The following GALNT18 variants were observed in gnomAD, a reference collection of about 807,000 sequenced individuals.
The protein encoded by GALNT18 is polypeptide N-acetylgalactosaminyltransferase 18.
GALNT18 carries 44 observed loss-of-function variants against 69.5 expected under a neutral mutation model. The ratio of observed to expected loss-of-function variants is 0.63; its 90% CI spans 0.50 to 0.81. The LOEUF (loss-of-function observed/expected upper bound fraction) is 0.81, where lower values mean the gene tolerates loss of function less well. Among genes scored for constraint, GALNT18 ranks in the 40% least tolerant of loss-of-function variants. The pLI, the probability that GALNT18 is intolerant of heterozygous loss-of-function variation, is 0.00. For missense variants in GALNT18, 715 were observed against 810.0 expected, an observed-to-expected ratio of 0.88 and a Z score of 1.42; for synonymous variants, 364 against 318.2, an observed-to-expected ratio of 1.14 and a Z score of -1.53.
chr11:11,295,789 A>C (rs563535263), intron 9 of GALNT18, among the ~76,000 whole-genome samples: 1 of 152,298 alleles, frequency 6.6e-6, no homozygotes, highest in African/African-American at 2.4e-5. Flanking sequence ...GTTTTTCTAT[A>C]ACAAAGGTGA....
Position 11,444,801 on chromosome 11 carries a change from G to A in GALNT18, c.428+3943C>T, listed in dbSNP as rs1320514924. On this transcript the variant is annotated intron_variant, in intron 2 of 10. Transcript: ENST00000227756. The surrounding 1 kb of genome is among the most constrained non-coding windows in gnomAD (Gnocchi z 4.4). ...AAGAAAAGAGCCAAGAATACCAAGAGCAAAGTGTGGAATACAAGCAGCAGG... is the reference window on the plus strand; with the variant it reads ...AAGAAAAGAGCCAAGAATACCAAGAACAAAGTGTGGAATACAAGCAGCAGG... Among the ~76,000 whole-genome samples, 1 of 152,194 alleles carries A rather than the reference G, an allele frequency of 6.6e-6. No individual in the cohort carries two copies. Among genetic ancestry groups the A allele is most frequent in the Non-Finnish European group, 1.5e-5 (1 of 68,040 alleles).
At chr11:11,558,500 T>C (rs1170872656) in intron 1 of GALNT18, among the ~76,000 whole-genome samples, 1 of 152,236 alleles carries the variant, frequency 6.6e-6, no homozygotes, top group African/African-American at 2.4e-5. Context: ...TCCCTGCAGG[T>C]GGAGCCTGGG....
In GALNT18 at chr11:11,472,920, A is replaced by C. The variant is rs190701745; in HGVS notation, c.236-23984T>G. Among the ~76,000 whole-genome samples the C allele has an allele frequency of 4.3e-4, 65 of 152,200 alleles. No individual in the cohort carries two copies. In the East Asian group the frequency reaches 0.011, roughly 25 times the overall value. On this transcript the variant is annotated intron_variant, in intron 1 of 10. Transcript: ENST00000227756. ...GGTGAGAAGATCACCTGAGCTGAGAAGGTTGAGGTTGCAGTGAGCCATGAT... is the reference window on the plus strand; with the variant it reads ...GGTGAGAAGATCACCTGAGCTGAGACGGTTGAGGTTGCAGTGAGCCATGAT...
In GALNT18 at chr11:11,586,280, T is replaced by C. The variant is rs1014851850; in HGVS notation, c.235+35079A>G. Among the ~76,000 whole-genome samples the C allele has an allele frequency of 3.9e-5, 6 of 152,240 alleles. No individual in the cohort carries two copies. Among genetic ancestry groups the C allele is most frequent in the African/African-American group, 1.4e-4 (6 of 41,464 alleles). ...TGTTAATTTATGTAATTGGGTTTAT[T>C]ATTGCCATTGTTAAATAAAATAATT... On this transcript the variant is annotated intron_variant, in intron 1 of 10. Coordinates refer to ENST00000227756, the MANE Select transcript of GALNT18 (RefSeq NM_198516.3). This position sits in a 1 kb window ranked among gnomAD's most constrained non-coding sequence, Gnocchi z 4.1.
In GALNT18 at chr11:11,293,017, TG is replaced by T. The variant is rs2133005150; in HGVS notation, c.1677+11del. 7.3e-7 allele frequency: 1 copy of T among 1,361,564 alleles called. No individual in the cohort carries two copies. Among genetic ancestry groups the T allele is most frequent in the South Asian group, 2.2e-5 (1 of 45,836 alleles). The allele number at this position is 1,361,564 out of a possible 1,614,324, so 84.3% of individuals were successfully genotyped here. Reference sequence around the variant, plus strand: ...GATGGCTGCCACTGTGCCCGGGCTCTGGGGCTGTTACCTGAGAGAACTGCCA... The same window carrying T: ...GATGGCTGCCACTGTGCCCGGGCTCTGGGCTGTTACCTGAGAGAACTGCCA... On this transcript the variant is annotated intron_variant, in intron 10 of 10. Coordinates refer to ENST00000227756, the MANE Select transcript of GALNT18 (RefSeq NM_198516.3).
At position 11,338,126 on chromosome 11, in the gene GALNT18, C is replaced by T. The variant is rs946655375; in HGVS notation, c.1278+2693G>A. Among the ~76,000 whole-genome samples, 1 of 151,964 alleles carries T rather than the reference C, an allele frequency of 6.6e-6. No individual in the cohort carries two copies. The highest frequency in any genetic ancestry group is 6.6e-5 in the Admixed American group (1 of 15,258). ...GGGATTACAGGCATGTGCCACCAAG[C>T]CTGGCTAATTTTTGTATTTTTAGTA... On this transcript the variant is annotated intron_variant, in intron 7 of 10. Coordinates refer to ENST00000227756, the MANE Select transcript of GALNT18 (RefSeq NM_198516.3). This position sits in a 1 kb window ranked among gnomAD's most constrained non-coding sequence, Gnocchi z 5.3.
Position 11,432,600 on chromosome 11 carries a change from C to A in GALNT18, c.595+21G>T. On this transcript the variant is annotated intron_variant, in intron 3 of 10. Transcript: ENST00000227756. The surrounding 1 kb of genome is among the most constrained non-coding windows in gnomAD (Gnocchi z 5.8). ...TCAGCCAGGAAGTAGGGCCTGGGCCCTGGGAAGCTCCGACACTCACCGTTA... is the reference window on the plus strand; with the variant it reads ...TCAGCCAGGAAGTAGGGCCTGGGCCATGGGAAGCTCCGACACTCACCGTTA... 1 of 1,591,194 alleles carries A rather than the reference C, an allele frequency of 6.3e-7. No homozygotes were observed. Among genetic ancestry groups the A allele is most frequent in the Non-Finnish European group, 8.6e-7 (1 of 1,167,128 alleles).
rs570824758 is a variant in GALNT18 at position 11,340,089 on chromosome 11, T to C, written c.1278+730A>G. On this transcript the variant is annotated intron_variant, in intron 7 of 10. Transcript: ENST00000227756. This position sits in a 1 kb window ranked among gnomAD's most constrained non-coding sequence, Gnocchi z 4.2. ...GGCTGGTAAGTGGGTTGGAATCATG[T>C]GGCTGGCATCTCTCAGTAGTAGAGC... Among the ~76,000 whole-genome samples the C allele has an allele frequency of 2.7e-5, 1 of 36,402 alleles. No homozygotes were observed. The highest frequency in any genetic ancestry group is 4.4e-4 in the Admixed American group (1 of 2,262). 23.9% of individuals were successfully genotyped at this position (36,402 alleles called of 152,430 possible).
intron 3 of GALNT18, among the ~76,000 whole-genome samples, chr11:11,417,140 G>A (rs1854885410): frequency 6.6e-6 from 1 of 152,190 alleles, no homozygotes; most frequent in East Asian, 1.9e-4. Context: ...ACAACCCAGG[G>A]ACAGAATCCA....
chr11:11,417,414 G>C (rs1854892092), intron 3 of GALNT18, among the ~76,000 whole-genome samples: 1 of 152,150 alleles, frequency 6.6e-6, no homozygotes, highest in South Asian at 2.1e-4. Flanking sequence ...GGATGCCTGA[G>C]ATAAAAAGCA....
intron 9 of GALNT18, among the ~76,000 whole-genome samples, chr11:11,322,062 T>C (rs960953973): frequency 6.6e-6 from 1 of 152,216 alleles, no homozygotes; most frequent in African/African-American, 2.4e-5. Context: ...ACCATCCTTA[T>C]AGAAATACTA....
chr11:11,404,258 C>T lies in GALNT18; in HGVS notation c.596-24994G>A, dbSNP rs1854535422. On this transcript the variant is annotated intron_variant, in intron 3 of 10. Transcript: ENST00000227756. The surrounding 1 kb of genome is among the most constrained non-coding windows in gnomAD (Gnocchi z 4.5). ...GGGGATGGCATTGATCACTGAATTC[C>T]CCAGGGGAGCCCTGGGCTTCAGTGC... 6.6e-6 allele frequency among the ~76,000 whole-genome samples: 1 copy of T among 152,204 alleles called. No individual in the cohort carries two copies. The highest frequency in any genetic ancestry group is 2.1e-4 in the South Asian group (1 of 4,832).
At chr11:11,335,936 G>A (rs147213393) in intron 7 of GALNT18, among the ~76,000 whole-genome samples, 1 of 152,288 alleles carries the variant, frequency 6.6e-6, no homozygotes, top group East Asian at 1.9e-4. Flanking sequence ...AACTGGGAGA[G>A]AATAAATTTC....
In GALNT18 at chr11:11,340,937, T is replaced by C. The variant is rs377098746; in HGVS notation, c.1160A>G (p.His387Arg). ...CSRIAHIERAHKPYTEDLTAH... is the reference protein window; with the variant it reads ...CSRIAHIERARKPYTEDLTAH... Reference sequence around the variant, plus strand: ...GGTGAGGTCCTCTGTGTAGGGCTTGTGGGCTCGCTCAATGTGGGCAATCCG... The same window carrying C: ...GGTGAGGTCCTCTGTGTAGGGCTTGCGGGCTCGCTCAATGTGGGCAATCCG... The change falls in exon 7 of 11, where the codon CAC becomes CGC. Residue 387 changes from histidine (H) to arginine (R), a missense_variant. Coordinates refer to ENST00000227756, the MANE Select transcript of GALNT18 (RefSeq NM_198516.3). The surrounding 1 kb of genome is among the most constrained non-coding windows in gnomAD (Gnocchi z 4.2). 10 of 1,612,852 alleles carry C rather than the reference T, an allele frequency of 6.2e-6. No individual in the cohort carries two copies. Among genetic ancestry groups the C allele is most frequent in the Middle Eastern group, 3.3e-4 (2 of 6,082 alleles).
At chr11:11,610,239 G>A (rs1440559907) in intron 1 of GALNT18, among the ~76,000 whole-genome samples, 2 of 152,178 alleles carry the variant, frequency 1.3e-5, no homozygotes, top group East Asian at 3.9e-4. Flanking sequence ...CAACATTACT[G>A]GAGCAGAAAA....
intron 9 of GALNT18, among the ~76,000 whole-genome samples, chr11:11,305,544 C>A (rs563467387): frequency 3.3e-4 from 50 of 152,260 alleles, no homozygotes; most frequent in Admixed American, 5.9e-4. Context: ...GAGTCGGGAT[C>A]CAAACTGCCT....
chr11:11,381,023 G>A (rs1048017307), intron 3 of GALNT18, among the ~76,000 whole-genome samples: 6 of 152,180 alleles, frequency 3.9e-5, no homozygotes, highest in African/African-American at 1.2e-4. Context: ...CCACTGACAT[G>A]CTGTATATCT....
At chr11:11,575,070 G>T (rs1858889072) in intron 1 of GALNT18, among the ~76,000 whole-genome samples, 1 of 152,194 alleles carries the variant, frequency 6.6e-6, no homozygotes, top group Non-Finnish European at 1.5e-5. Context: ...ACATTTAAGA[G>T]AGGTTTATTT....
chr11:11,450,534 G>A (rs991301359), intron 1 of GALNT18, among the ~76,000 whole-genome samples: 13 of 152,200 alleles, frequency 8.5e-5, no homozygotes, highest in Admixed American at 7.2e-4. Flanking sequence ...GCAAGCTCAC[G>A]ATCCTGAAAG....
Sources: gnomAD v4.1 joint callset for allele counts (sites outside exome capture counted in the v4.1 genomes callset) on GRCh38, gnomAD v4.1.1 for gene constraint, Gnocchi (gnomAD v3.1) non-coding constraint, MANE v1.5 for transcripts, NCBI Gene and HGNC (gene_info 2026-07-23, HGNC 2026-07-21) for gene names.